Variants in STK33 observed in about 807,000 individuals in gnomAD.
STK33 encodes serine/threonine-protein kinase 33.
STK33 carries 52 observed loss-of-function variants against 58.0 expected under a neutral mutation model. The observed-to-expected ratio is 0.90, with a 90% confidence interval of 0.72 to 1.13. The LOEUF (loss-of-function observed/expected upper bound fraction) is 1.13. STK33 is among the 50% of genes most tolerant of loss of function. The probability of loss-of-function intolerance (pLI) is 0.00; values close to 1 mark genes in which losing one functional copy is unlikely to be tolerated. For synonymous variants in STK33, 215 were observed against 200.1 expected, an observed-to-expected ratio of 1.07 and a Z score of -0.63; for missense variants, 630 against 604.2, an observed-to-expected ratio of 1.04 and a Z score of -0.45.
intron 1 of STK33, among the ~76,000 whole-genome samples, chr11:8,543,754 G>C (rs902412488): frequency 6.6e-6 from 1 of 152,078 alleles, no homozygotes; most frequent in African/African-American, 2.4e-5. Context: ...AGTATAATTA[G>C]ATTATCTGTA....
intron 15 of STK33, among the ~76,000 whole-genome samples, chr11:8,394,968 C>G (rs138120804): frequency 1.6e-3 from 242 of 152,240 alleles, no homozygotes; most frequent in African/African-American, 5.5e-3. Context: ...TAACTGAGCT[C>G]TGCCCCCAAA....
intron 1 of STK33, among the ~76,000 whole-genome samples, chr11:8,553,209 A>G (rs1359976755): frequency 9.5e-6 from 1 of 104,818 alleles, no homozygotes; most frequent in East Asian, 2.8e-4. Context: ...GTGTATATAT[A>G]TATATATATA....
chr11:8,449,305 A>G (rs990210404), intron 11 of STK33, among the ~76,000 whole-genome samples: 1 of 151,816 alleles, frequency 6.6e-6, no homozygotes, highest in South Asian at 2.1e-4. Flanking sequence ...AGGATTATAA[A>G]TCATGCTGCC....
chr11:8,540,227 T>G (rs1261588762), intron 1 of STK33, among the ~76,000 whole-genome samples: 1 of 152,000 alleles, frequency 6.6e-6, no homozygotes, highest in Non-Finnish European at 1.5e-5. Context: ...ATGCCTGGAA[T>G]CTCAGTGGTT....
chr11:8,530,779 G>A (rs1042759177), intron 1 of STK33, among the ~76,000 whole-genome samples: 1 of 152,016 alleles, frequency 6.6e-6, no homozygotes, highest in African/African-American at 2.4e-5. Flanking sequence ...AACCTCTGCC[G>A]CCCAGGTTCA....
At chr11:8,501,830 G>C (rs1482176713) in intron 1 of STK33, among the ~76,000 whole-genome samples, 1 of 152,046 alleles carries the variant, frequency 6.6e-6, no homozygotes, top group Non-Finnish European at 1.5e-5. Flanking sequence ...GATGAATAAA[G>C]AAAACATGGT....
At chr11:8,468,542 C>T (rs929683135) in intron 6 of STK33, among the ~76,000 whole-genome samples, 1 of 152,166 alleles carries the variant, frequency 6.6e-6, no homozygotes, top group Non-Finnish European at 1.5e-5. Flanking sequence ...ACTCCTTTCA[C>T]CATGTATGCA....
At chr11:8,365,484 C>T in the STK33 span, among the ~76,000 whole-genome samples, 49 of 152,208 alleles carry the variant, frequency 3.2e-4, no homozygotes, top group Admixed American at 1.3e-4. Flanking sequence ...TCAGTGCAGC[C>T]AGCCATTCTG....
downstream of STK33, among the ~76,000 whole-genome samples, chr11:8,389,900 C>T (rs1365719517): frequency 6.6e-6 from 1 of 152,116 alleles, no homozygotes; most frequent in East Asian, 1.9e-4. Flanking sequence ...CATCCTGTGC[C>T]TTTTTCTAGG....
intron 1 of STK33, among the ~76,000 whole-genome samples, chr11:8,572,617 C>A (rs1297083412): frequency 2.0e-5 from 3 of 151,928 alleles, no homozygotes; most frequent in Non-Finnish European, 4.4e-5. Flanking sequence ...TAGGGTCTCA[C>A]TGCGTTCCCC....
chr11:8,566,753 A>G (rs947508840), intron 1 of STK33, among the ~76,000 whole-genome samples: 3 of 152,358 alleles, frequency 2.0e-5, no homozygotes, highest in East Asian at 3.9e-4. Context: ...TGCACTAAGA[A>G]AGCAGCAAAT....
chr11:8,452,133 G>A (rs1946355252), intron 11 of STK33, among the ~76,000 whole-genome samples: 1 of 152,102 alleles, frequency 6.6e-6, no homozygotes, highest in Non-Finnish European at 1.5e-5. Context: ...AACCCAGGAG[G>A]CGGAGGTTGC....
chr11:8,438,253 C>G (rs1944319344), intron 12 of STK33, among the ~76,000 whole-genome samples: 1 of 152,120 alleles, frequency 6.6e-6, no homozygotes, highest in Admixed American at 6.6e-5. Flanking sequence ...ACAGCAATTT[C>G]CTGCACATCC....
At chr11:8,346,774 C>T in the STK33 span, among the ~76,000 whole-genome samples, 5 of 152,166 alleles carry the variant, frequency 3.3e-5, no homozygotes, top group African/African-American at 1.2e-4. Context: ...AGGCACATGG[C>T]CTCTTGTAGC....
the STK33 span, among the ~76,000 whole-genome samples, chr11:8,345,878 A>C: frequency 6.6e-6 from 1 of 152,294 alleles, no homozygotes; most frequent in Admixed American, 6.5e-5. Context: ...GATGGGGAGA[A>C]ATGTTGCTTC....
At chr11:8,425,151 T>C (rs1190069087) in intron 14 of STK33, among the ~76,000 whole-genome samples, 1 of 151,914 alleles carries the variant, frequency 6.6e-6, no homozygotes, top group African/African-American at 2.4e-5. Flanking sequence ...CCATCTTGAA[T>C]TAATTTTTGT....
chr11:8,390,746 G>A (rs542996826), downstream of STK33, among the ~76,000 whole-genome samples: 11 of 152,274 alleles, frequency 7.2e-5, no homozygotes, highest in African/African-American at 2.6e-4. Context: ...ACACACTAAC[G>A]TGTTATAAAA....
chr11:8,531,226 G>C (rs1954520409), intron 1 of STK33, among the ~76,000 whole-genome samples: 1 of 152,066 alleles, frequency 6.6e-6, no homozygotes, highest in Non-Finnish European at 1.5e-5. Context: ...AGGAAACTGA[G>C]AGAAAAATAT....
chr11:8,440,526 G>C, intron 12 of STK33, 152 bp downstream of exon 12: 1 of 558,440 alleles, frequency 1.8e-6, no homozygotes, highest in Non-Finnish European at 2.9e-6. Flanking sequence ...ATGTATACCT[G>C]ACAACTAATA....
Sources: gnomAD v4.1 joint callset for allele counts (sites outside exome capture counted in the v4.1 genomes callset) on GRCh38, gnomAD v4.1.1 for gene constraint, MANE v1.5 for transcripts, NCBI Gene and HGNC (gene_info 2026-07-23, HGNC 2026-07-21) for gene names.